Variants in CACNA1H observed in about 807,000 individuals in gnomAD.
The protein encoded by CACNA1H is calcium voltage-gated channel subunit alpha1 H.
CACNA1H carries 149 observed loss-of-function variants against 192.5 expected under a neutral mutation model. The observed-to-expected ratio is 0.77, with a 90% CI of 0.68 to 0.89. The LOEUF (loss-of-function observed/expected upper bound fraction) is 0.89, where lower values mean the gene tolerates loss of function less well. CACNA1H is among the 40% of genes least tolerant of loss of function. The pLI is 0.00. For missense variants in CACNA1H, 4,257 were observed against 3,423.5 expected (o/e 1.24, Z -6.08); for synonymous variants, 2,202 against 1,475.2 (o/e 1.49, Z -11.29).
chr16:1,208,571 C>T (rs1360579182), intron 16 of CACNA1H, among the ~76,000 whole-genome samples: 2 of 152,208 alleles, frequency 1.3e-5, no homozygotes. Context: ...AGCCCGATTC[C>T]CTTTACGGCC....
intron 2 of CACNA1H, among the ~76,000 whole-genome samples, chr16:1,174,415 A>T (rs1567456058): frequency 6.6e-6 from 1 of 152,102 alleles, no homozygotes; most frequent in African/African-American, 2.4e-5. Flanking sequence ...GGGGGGCTCC[A>T]TCTCGGGGTG....
Position 1,200,377 on chromosome 16 carries a change from C to T in CACNA1H, c.925C>T (p.Arg309Cys), listed in dbSNP as rs975062128. Residue 309 changes from arginine (R) to cysteine (C), a missense_variant, in exon 7 of 35, where the codon CGC becomes TGC. Arg to Cys is a radical substitution (Grantham distance 180, BLOSUM62 -3). Coordinates refer to ENST00000348261, the MANE Select transcript of CACNA1H (RefSeq NM_021098.3). The part of the protein sequence containing the change: ...MQKCSHIPGR[R>C]ELRMPCTLGW... ...GAAGTGCTCGCACATCCCCGGCCGC[C>T]GCGAGCTGCGCATGCCCTGCACCCT... is the stretch of plus-strand genomic sequence containing the variant. 5 of 1,601,306 alleles carry T rather than the reference C, an allele frequency of 3.1e-6. No homozygotes were observed. The highest frequency in any genetic ancestry group is 1.6e-4 in the Middle Eastern group (1 of 6,070).
chr16:1,157,443 G>A (rs183247981), intron 2 of CACNA1H, among the ~76,000 whole-genome samples: 2 of 152,332 alleles, frequency 1.3e-5, no homozygotes, highest in East Asian at 1.9e-4. Context: ...GGGTGGGGAC[G>A]AGCTGCGGGA....
intron 25 of CACNA1H, 22 bp from the exon 26 acceptor site, chr16:1,212,489 G>A: frequency 1.2e-6 from 2 of 1,609,738 alleles, no homozygotes; most frequent in Non-Finnish European, 1.7e-6. Context: ...TCGGCCCTCA[G>A]ACCATCTCCT....
chr16:1,188,862 C>T (rs937353810), intron 2 of CACNA1H, among the ~76,000 whole-genome samples: 1 of 152,188 alleles, frequency 6.6e-6, no homozygotes, highest in Non-Finnish European at 1.5e-5. Context: ...CAGGCCCAGG[C>T]GAGGCTGCTG....
At position 1,218,647 on chromosome 16, in the gene CACNA1H, C is replaced by T. The variant is rs748517425; in HGVS notation, c.5883C>T (p.Pro1961=). 10 of 1,536,472 alleles carry T rather than the reference C, an allele frequency of 6.5e-6. No homozygotes were observed. In the South Asian group the frequency reaches 8.5e-5, roughly 13 times the overall value. The change falls in exon 33 of 35, where the codon CCC becomes CCT. Residue 1961 remains proline, a synonymous_variant. Coordinates refer to ENST00000348261, the MANE Select transcript of CACNA1H (RefSeq NM_021098.3). ...VEMETYGAGT[P]LGSVASVHSP... Reference sequence around the variant, plus strand: ...TGGAGACCTATGGGGCCGGCACCCCCTTGGGTATGGTAGCCAGCAGGAAGA... The same window carrying T: ...TGGAGACCTATGGGGCCGGCACCCCTTTGGGTATGGTAGCCAGCAGGAAGA...
chr16:1,206,665 C>T (rs1389955577), intron 12 of CACNA1H: 3 of 420,292 alleles, frequency 7.1e-6, no homozygotes, highest in East Asian at 4.5e-5. Context: ...GGCTAGGCAG[C>T]CAGGCAGGCC....
Position 1,220,012 on chromosome 16 carries a change from A to G in CACNA1H, c.6080A>G (p.Lys2027Arg). 7.4e-7 allele frequency: 1 copy of G among 1,356,164 alleles called. No homozygotes were observed. The highest frequency in any genetic ancestry group is 9.5e-7 in the Non-Finnish European group (1 of 1,050,750). 84.0% of individuals were successfully genotyped at this position (1,356,164 alleles called of 1,614,324 possible). ...GTGCACACCGATTCCTTGGAAGGGA[A>G]GATTGACAGCCCTAGGGACACCCTG... ...EAVHTDSLEG[K>R]IDSPRDTLDP... Residue 2027 changes from lysine (K) to arginine (R), a missense_variant, in exon 35 of 35, where the codon AAG becomes AGG. Transcript: ENST00000348261.
intron 8 of CACNA1H, among the ~76,000 whole-genome samples, chr16:1,201,036 G>A (rs1356695278): frequency 6.6e-6 from 1 of 152,132 alleles, no homozygotes; most frequent in African/African-American, 2.4e-5. Context: ...GCTCAGGGCT[G>A]AAGAGCCAGG....
chr16:1,183,581 G>A (rs188087541), intron 2 of CACNA1H, among the ~76,000 whole-genome samples: 1 of 152,214 alleles, frequency 6.6e-6, no homozygotes, highest in Non-Finnish European at 1.5e-5. Context: ...AAGAGGCCCC[G>A]CTGGAGAACA....
intron 2 of CACNA1H, among the ~76,000 whole-genome samples, chr16:1,189,385 C>CT (rs1161952284): frequency 1.5e-5 from 2 of 136,326 alleles, no homozygotes; most frequent in African/African-American, 2.7e-5. Context: ...GGCAGGTGCC[C>CT]TGAAGAGTGT....
chr16:1,201,653 C>T lies in CACNA1H; in HGVS notation c.1213-10C>T, dbSNP rs373660548. The T allele has an allele frequency of 7.6e-6, 12 of 1,576,314 alleles. No individual in the cohort carries two copies. The highest frequency in any genetic ancestry group is 4.7e-5 in the South Asian group (4 of 85,956). Reference sequence around the variant, plus strand: ...ACTCACTGCCACTTACCCGCCCGCCCCCGTCACAGGTGGGCTCCTTCTTCA... The same window carrying T: ...ACTCACTGCCACTTACCCGCCCGCCTCCGTCACAGGTGGGCTCCTTCTTCA... On this transcript the variant is annotated splice_polypyrimidine_tract_variant and intron_variant, in intron 8 of 34. Transcript: ENST00000348261.
chr16:1,183,911 T>C (rs551986031), intron 2 of CACNA1H, among the ~76,000 whole-genome samples: 1 of 152,322 alleles, frequency 6.6e-6, no homozygotes, highest in African/African-American at 2.4e-5. Context: ...CCCTCCTGGA[T>C]CGGTTAATTA....
intron 8 of CACNA1H, among the ~76,000 whole-genome samples, chr16:1,201,249 T>C (rs908811767): frequency 7.9e-5 from 12 of 152,016 alleles, no homozygotes; most frequent in African/African-American, 2.9e-4. Context: ...CAGACAGACG[T>C]CCCCAGCTTG....
At position 1,207,340 on chromosome 16, in the gene CACNA1H, C is replaced by G. The variant is rs369690259; in HGVS notation, c.2973C>G (p.Ala991=). Residue 991 remains alanine, a synonymous_variant, in exon 14 of 35, where the codon GCC becomes GCG. Transcript: ENST00000348261. ...YNGMASTSSW[A]ALYFVALMTF... is the part of the protein sequence containing the mutation. ...GCATGGCCTCCACCTCCTCCTGGGC[C>G]GCCCTCTACTTCGTGGCCCTCATGA... The G allele has an allele frequency of 6.2e-7, 1 of 1,612,236 alleles. No homozygotes were observed. The highest frequency in any genetic ancestry group is 8.5e-7 in the Non-Finnish European group (1 of 1,179,406).
intron 21 of CACNA1H, 70 bp downstream of exon 21, chr16:1,211,041 C>A (rs1049357226): frequency 4.5e-5 from 70 of 1,553,032 alleles, no homozygotes; most frequent in Middle Eastern, 2.3e-4. Context: ...GCCCATTACT[C>A]CTCCCGCAGT....
rs1969503343 is a variant in CACNA1H at position 1,211,981 on chromosome 16, C to T, written c.4602C>T (p.Tyr1534=). 6.2e-7 allele frequency: 1 copy of T among 1,613,404 alleles called. No homozygotes were observed. Among genetic ancestry groups the T allele is most frequent in the African/African-American group, 1.3e-5 (1 of 74,922 alleles). The change falls in exon 25 of 35, where the codon TAC becomes TAT. Residue 1534 remains tyrosine, a synonymous_variant. Transcript: ENST00000348261. ...VQNHNPWMLL[Y]FISFLLIVSF... ...ACCACAACCCCTGGATGCTGCTGTACTTCATCTCCTTCCTGCTCATCGTCA... is the reference window on the plus strand; with the variant it reads ...ACCACAACCCCTGGATGCTGCTGTATTTCATCTCCTTCCTGCTCATCGTCA...
intron 2 of CACNA1H, among the ~76,000 whole-genome samples, chr16:1,163,286 G>T (rs759575172): frequency 6.6e-6 from 1 of 152,228 alleles, no homozygotes; most frequent in African/African-American, 2.4e-5. Flanking sequence ...GGTGGGTGTC[G>T]GGCGTTGAGT....
intron 6 of CACNA1H, among the ~76,000 whole-genome samples, chr16:1,199,676 G>T (rs1293710395): frequency 1.4e-5 from 2 of 139,880 alleles, no homozygotes; most frequent in Non-Finnish European, 3.1e-5. Flanking sequence ...CCCTCACCCC[G>T]GGTTCTCCCC....
Sources: gnomAD v4.1 joint callset for allele counts (sites outside exome capture counted in the v4.1 genomes callset) on GRCh38, gnomAD v4.1.1 for gene constraint, MANE v1.5 for transcripts, NCBI Gene and HGNC (gene_info 2026-07-23, HGNC 2026-07-21) for gene names.